The following IL1R2 variants were observed in gnomAD, a reference collection of about 807,000 sequenced individuals.
The protein encoded by IL1R2 is interleukin 1 receptor type 2.
IL1R2 carries 46 observed loss-of-function variants against 39.5 expected under a neutral mutation model. The ratio of observed to expected loss-of-function variants is 1.16; its 90% confidence interval spans 0.92 to 1.49. The LOEUF is 1.49. Among genes scored for constraint, IL1R2 ranks in the 40% most tolerant of loss-of-function variants. The pLI, the probability that IL1R2 is intolerant of heterozygous loss-of-function variation, is 0.00. For missense variants in IL1R2, 537 were observed against 502.0 expected, an observed-to-expected ratio of 1.07 and a Z score of -0.67; for synonymous variants, 207 against 189.6, an observed-to-expected ratio of 1.09 and a Z score of -0.75.
At chr2:101,998,314 C>T (rs749009508) in intron 1 of IL1R2, among the ~76,000 whole-genome samples, 13 of 152,206 alleles carry the variant, frequency 8.5e-5, no homozygotes, top group Non-Finnish European at 1.8e-4. Context: ...TTGGTTCTCG[C>T]ACCTGCCTTA....
chr2:102,027,058 C>T (rs1677786434), intron 8 of IL1R2, among the ~76,000 whole-genome samples: 1 of 152,234 alleles, frequency 6.6e-6, no homozygotes, highest in Non-Finnish European at 1.5e-5. Flanking sequence ...TGGCACCCAA[C>T]TTTCCTCCAA....
chr2:102,018,620 T>C (rs1042733893), intron 4 of IL1R2, among the ~76,000 whole-genome samples: 1 of 152,222 alleles, frequency 6.6e-6, no homozygotes, highest in African/African-American at 2.4e-5. Flanking sequence ...TATCCAAGCC[T>C]GTTCTAAACT....
chr2:101,992,258 CAGAGAGACAG>C (rs1675366962), intron 1 of IL1R2, among the ~76,000 whole-genome samples: 1 of 144,504 alleles, frequency 6.9e-6, no homozygotes, highest in Admixed American at 6.8e-5. Context: ...CAGGCAGAGG[CAGAGAGACAG>C]AGAGAGACAG....
At chr2:102,014,097 T>A (rs979293926) in intron 3 of IL1R2, among the ~76,000 whole-genome samples, 3 of 152,184 alleles carry the variant, frequency 2.0e-5, no homozygotes, top group African/African-American at 7.2e-5. Context: ...ACCAGATCAA[T>A]AATGTGAACA....
intron 4 of IL1R2, among the ~76,000 whole-genome samples, chr2:102,017,398 G>GAAAAAAAAAAA (rs56358561): frequency 7.9e-5 from 9 of 113,362 alleles, no homozygotes; most frequent in African/African-American, 3.0e-4. Flanking sequence ...CTCCATCTCA[G>GAAAAAAAAAAA]AAAAAAAAAA....
At chr2:102,013,524 C>CAAAAAAAAAAAAAAAAAAAAAAAA in intron 3 of IL1R2, among the ~76,000 whole-genome samples, 1 of 5,692 alleles carries the variant, frequency 1.8e-4, no homozygotes, top group Non-Finnish European at 3.0e-4. Context: ...TCTATCACTG[C>CAAAAAAAAAAAAAAAAAAAAAAAA]AAAAAAAAAA....
Position 102,009,657 on chromosome 2 carries a change from T to C in IL1R2, c.163T>C (p.Tyr55His). Reference sequence around the variant, plus strand: ...AGCCCTGAGGTGCCCCCAGGTGCCCTACTGGTTGTGGGCCTCTGTCAGCCC... The same window carrying C: ...AGCCCTGAGGTGCCCCCAGGTGCCCCACTGGTTGTGGGCCTCTGTCAGCCC... ...PVALRCPQVP[Y>H]WLWASVSPRI... Residue 55 changes from tyrosine to histidine, a missense_variant, in exon 3 of 9, where the codon TAC becomes CAC. By Grantham distance (83) the Tyr-to-His change is moderately conservative. Coordinates refer to ENST00000332549, the MANE Select transcript of IL1R2 (RefSeq NM_004633.4). 6.2e-7 allele frequency: 1 copy of C among 1,614,200 alleles called. No homozygotes were observed. Among genetic ancestry groups the C allele is most frequent in the Non-Finnish European group, 8.5e-7 (1 of 1,180,032 alleles).
intron 1 of IL1R2, among the ~76,000 whole-genome samples, chr2:101,998,608 C>G (rs1336415709): frequency 6.6e-6 from 1 of 152,222 alleles, no homozygotes; most frequent in African/African-American, 2.4e-5. Context: ...AACAGTGGTG[C>G]TCAGCTGGTG....
intron 4 of IL1R2, among the ~76,000 whole-genome samples, chr2:102,018,445 G>T (rs138374644): frequency 2.6e-5 from 4 of 152,294 alleles, no homozygotes; most frequent in African/African-American, 7.2e-5. Flanking sequence ...TTCACCACCT[G>T]GGATTGTTTC....
chr2:102,015,657 C>T (rs1192787226), intron 3 of IL1R2, among the ~76,000 whole-genome samples: 1 of 152,152 alleles, frequency 6.6e-6, no homozygotes, highest in Admixed American at 6.5e-5. Context: ...GAATACTATA[C>T]TGAAGTAGGG....
intron 1 of IL1R2, among the ~76,000 whole-genome samples, chr2:101,996,895 C>T (rs1280294625): frequency 2.3e-5 from 3 of 131,608 alleles, no homozygotes; most frequent in African/African-American, 1.0e-4. Context: ...TCTAAAGGCC[C>T]TTTCCCACTA....
At chr2:102,008,029 GA>G (rs1676371417) in intron 1 of IL1R2, among the ~76,000 whole-genome samples, 1 of 152,220 alleles carries the variant, frequency 6.6e-6, no homozygotes, top group Admixed American at 6.5e-5. Flanking sequence ...AGTGGAGCCT[GA>G]ATTCTGGAGA....
chr2:102,010,445 G>A (rs540647936), intron 3 of IL1R2, among the ~76,000 whole-genome samples: 68 of 152,158 alleles, frequency 4.5e-4, no homozygotes, highest in Non-Finnish European at 8.1e-4. Flanking sequence ...GCATGGTGGC[G>A]GGCGCCTGTA....
At chr2:102,012,382 A>G (rs1175989293) in intron 3 of IL1R2, among the ~76,000 whole-genome samples, 2 of 152,218 alleles carry the variant, frequency 1.3e-5, no homozygotes, top group Admixed American at 6.5e-5. Flanking sequence ...GAATATGTAC[A>G]TTTAGAAAAA....
intron 1 of IL1R2, among the ~76,000 whole-genome samples, chr2:102,001,439 C>T (rs1378964672): frequency 2.0e-5 from 3 of 152,228 alleles, no homozygotes; most frequent in Admixed American, 1.3e-4. Context: ...TGATCTGTCT[C>T]ACCAGACCCC....
intron 8 of IL1R2, among the ~76,000 whole-genome samples, chr2:102,027,999 T>C (rs3218984): frequency 0.26 from 39,800 of 152,052 alleles, 5,459 homozygotes; most frequent in Admixed American, 0.29. Context: ...TACCCTACGA[T>C]GTTTCTAACA....
At chr2:102,021,028 C>T (rs1393327507) in intron 5 of IL1R2, among the ~76,000 whole-genome samples, 2 of 152,182 alleles carry the variant, frequency 1.3e-5, no homozygotes, top group Admixed American at 6.5e-5. Context: ...CACTGAGATC[C>T]TGGAGGCTTC....
chr2:102,008,768 A>C (rs538614730), intron 2 of IL1R2, 126 bp downstream of exon 2: 5 of 755,014 alleles, frequency 6.6e-6, no homozygotes, highest in East Asian at 5.4e-5. Flanking sequence ...GCCGGCTGTA[A>C]TGTTAGTACT....
At chr2:102,003,426 ATGTCTG>A (rs1446602186) in intron 1 of IL1R2, among the ~76,000 whole-genome samples, 1 of 111,148 alleles carries the variant, frequency 9.0e-6, no homozygotes, top group Non-Finnish European at 1.8e-5. Flanking sequence ...TCTGTGTCCC[ATGTCTG>A]TGTCTGTGTC....
Sources: gnomAD v4.1 joint callset for allele counts (sites outside exome capture counted in the v4.1 genomes callset) on GRCh38, gnomAD v4.1.1 for gene constraint, MANE v1.5 for transcripts, NCBI Gene and HGNC (gene_info 2026-07-23, HGNC 2026-07-21) for gene names.